The following SH3RF3 variants were observed in gnomAD, a reference collection of about 807,000 sequenced individuals.
SH3RF3 encodes SH3 domain containing ring finger 3.
A neutral mutation model predicts 66.3 loss-of-function variants in SH3RF3; 29 were observed. The ratio of observed to expected loss-of-function variants is 0.44; its 90% CI spans 0.33 to 0.60. SH3RF3 has a LOEUF of 0.60. Ranked by LOEUF, SH3RF3 falls within the 20% of genes least tolerant of loss-of-function variation. The probability of loss-of-function intolerance (pLI) is 0.04; values close to 1 mark genes in which losing one functional copy is unlikely to be tolerated. For synonymous variants in SH3RF3, 583 were observed against 532.0 expected, an observed-to-expected ratio of 1.10 and a Z score of -1.32; for missense variants, 1,194 against 1,190.9, an observed-to-expected ratio of 1.00 and a Z score of -0.04.
At chr2:109,449,019 C>A in intron 7 of SH3RF3, 151 bp from the exon 8 acceptor site, 1 of 887,706 alleles carries the variant, frequency 1.1e-6, no homozygotes, top group Non-Finnish European at 1.7e-6. Flanking sequence ...GTTTCTCCAT[C>A]TGTGAAGAGG....
chr2:109,239,521 C>G (rs1288096941), intron 1 of SH3RF3, among the ~76,000 whole-genome samples: 1 of 152,146 alleles, frequency 6.6e-6, no homozygotes, highest in Non-Finnish European at 1.5e-5. Context: ...GAATTTGGCC[C>G]CATATTTGAC....
chr2:109,396,262 G>T (rs557901996), intron 3 of SH3RF3, among the ~76,000 whole-genome samples: 55 of 152,306 alleles, frequency 3.6e-4, no homozygotes, highest in African/African-American at 1.3e-3. Flanking sequence ...GGAAGCAAAT[G>T]AATACAGCCA....
intron 1 of SH3RF3, among the ~76,000 whole-genome samples, chr2:109,249,532 T>TTTCTTTCCTTCCTTCCTTCC (rs1680019798): frequency 1.0e-5 from 1 of 96,450 alleles, no homozygotes; most frequent in Non-Finnish European, 2.0e-5. Flanking sequence ...TCTTTCTTTC[T>TTTCTTTCCTTCCTTCCTTCC]TTCCTTCCTT....
intron 1 of SH3RF3, among the ~76,000 whole-genome samples, chr2:109,136,137 G>A (rs1371545463): frequency 6.6e-6 from 1 of 152,116 alleles, no homozygotes; most frequent in African/African-American, 2.4e-5. Context: ...TCGGGGCTCA[G>A]TTTTGCAATT....
intron 2 of SH3RF3, among the ~76,000 whole-genome samples, chr2:109,367,745 A>C (rs1231976046): frequency 1.3e-5 from 2 of 152,226 alleles, no homozygotes; most frequent in Non-Finnish European, 2.9e-5. Context: ...CTAGTTTAAC[A>C]AACACTGTAA....
chr2:109,400,592 T>TACAC (rs1233819960), intron 4 of SH3RF3, among the ~76,000 whole-genome samples: 1 of 131,942 alleles, frequency 7.6e-6, no homozygotes, highest in Non-Finnish European at 1.8e-5. Context: ...CACACACACT[T>TACAC]GTGAACTTAT....
At chr2:109,391,534 C>A (rs1312551542) in intron 3 of SH3RF3, among the ~76,000 whole-genome samples, 1 of 152,232 alleles carries the variant, frequency 6.6e-6, no homozygotes, top group African/African-American at 2.4e-5. Context: ...AAACTAACTT[C>A]AAGGGGGGAA....
chr2:109,196,077 C>T (rs1678492723), intron 1 of SH3RF3, among the ~76,000 whole-genome samples: 1 of 152,224 alleles, frequency 6.6e-6, no homozygotes. Flanking sequence ...AGAGGGAACG[C>T]AGACCACCTG....
intron 1 of SH3RF3, among the ~76,000 whole-genome samples, chr2:109,252,374 C>G (rs2105263966): frequency 6.6e-6 from 1 of 152,254 alleles, no homozygotes; most frequent in East Asian, 1.9e-4. Context: ...GATGCAAACT[C>G]TCAAAATTTT....
In SH3RF3 at chr2:109,202,361, C is replaced by T. The variant is rs530043622; in HGVS notation, c.573+72248C>T. The stretch of plus-strand genomic sequence containing the variant: ...TGTGTCTCGGCTGCTTTGGGCTTTC[C>T]ACTCTCTGTTTGAGATTTTGTGAAG... On this transcript the variant is annotated intron_variant, in intron 1 of 9. Coordinates refer to ENST00000309415, the MANE Select transcript of SH3RF3 (RefSeq NM_001099289.3). Among the ~76,000 whole-genome samples, 24 of 152,294 alleles carry T rather than the reference C, an allele frequency of 1.6e-4. No homozygotes were observed. In the South Asian group the frequency reaches 4.8e-3, roughly 30 times the overall value.
intron 3 of SH3RF3, among the ~76,000 whole-genome samples, chr2:109,375,744 C>A (rs1174450440): frequency 1.3e-5 from 2 of 152,238 alleles, no homozygotes; most frequent in African/African-American, 4.8e-5. Flanking sequence ...TGCAGCCCCC[C>A]TCTCTTTCTG....
chr2:109,324,788 A>G (rs7575574), intron 1 of SH3RF3, among the ~76,000 whole-genome samples: 41,559 of 152,018 alleles, frequency 0.27, 7,378 homozygotes, highest in African/African-American at 0.5. Flanking sequence ...GGGGATAGAG[A>G]CCAACTATGA....
chr2:109,239,069 A>C (rs911640583), intron 1 of SH3RF3, among the ~76,000 whole-genome samples: 1 of 152,200 alleles, frequency 6.6e-6, no homozygotes, highest in Admixed American at 6.5e-5. Context: ...GCAGTGCCAA[A>C]TGTCAAGATG....
chr2:109,254,643 T>C (rs1680175887), intron 1 of SH3RF3, among the ~76,000 whole-genome samples: 1 of 152,190 alleles, frequency 6.6e-6, no homozygotes, highest in African/African-American at 2.4e-5. Context: ...TTCTTTGTCT[T>C]CTGCTGGGTT....
rs990750662 is a variant in SH3RF3 at position 109,398,635 on chromosome 2, C to T, written c.991C>T (p.Pro331Ser). 4 of 1,597,016 alleles carry T rather than the reference C, an allele frequency of 2.5e-6. No individual in the cohort carries two copies. In the South Asian group the frequency reaches 4.5e-5, roughly 18 times the overall value. ...GCTCATTGAGATGGACAAGCCATGC[C>T]CAGCCGCTGCATCCAGCTGCAATGC... Reference protein sequence around the residue: ...KQLIEMDKPCPAAASSCNASL... With the variant: ...KQLIEMDKPCSAAASSCNASL... Residue 331 changes from proline (P) to serine (S), a missense_variant, in exon 4 of 10, where the codon CCA becomes TCA. Pro to Ser is a moderately conservative substitution (Grantham distance 74, BLOSUM62 -1). Transcript: ENST00000309415.
At chr2:109,212,128 G>A (rs891986977) in intron 1 of SH3RF3, among the ~76,000 whole-genome samples, 2 of 152,198 alleles carry the variant, frequency 1.3e-5, no homozygotes, top group African/African-American at 4.8e-5. Flanking sequence ...GCAATGGTCC[G>A]AATCGAGCCT....
At chr2:109,242,066 G>A (rs1313640824) in intron 1 of SH3RF3, among the ~76,000 whole-genome samples, 2 of 151,516 alleles carry the variant, frequency 1.3e-5, no homozygotes, top group Non-Finnish European at 2.9e-5. Flanking sequence ...TGGTGTAGAC[G>A]GGGGTGTCAT....
chr2:109,195,022 G>C (rs1678461819), intron 1 of SH3RF3, among the ~76,000 whole-genome samples: 1 of 152,178 alleles, frequency 6.6e-6, no homozygotes, highest in Admixed American at 6.5e-5. Context: ...AGAAGTGGGG[G>C]AAATGAAAAT....
At chr2:109,320,869 C>T (rs1249650457) in intron 1 of SH3RF3, among the ~76,000 whole-genome samples, 7 of 152,210 alleles carry the variant, frequency 4.6e-5, no homozygotes, top group Non-Finnish European at 1.0e-4. Flanking sequence ...AGATTCAAAT[C>T]CCTGCCCTAC....
Sources: gnomAD v4.1 joint callset for allele counts (sites outside exome capture counted in the v4.1 genomes callset) on GRCh38, gnomAD v4.1.1 for gene constraint, MANE v1.5 for transcripts, NCBI Gene and HGNC (gene_info 2026-07-23, HGNC 2026-07-21) for gene names.